ATXN1: variants seen among roughly 807,000 people sequenced by gnomAD.
ATXN1 encodes the protein ataxin-1.
In ATXN1, 8 loss-of-function variants were observed where a neutral mutation model predicts 56.4. The observed-to-expected ratio is 0.14, with a 90% CI of 0.08 to 0.26. The LOEUF is 0.26. Among genes scored for constraint, ATXN1 ranks in the 10% least tolerant of loss-of-function variants. The probability of loss-of-function intolerance (pLI) is 1.00; values close to 1 mark genes in which losing one functional copy is unlikely to be tolerated. For synonymous variants in ATXN1, 514 were observed against 494.6 expected (o/e 1.04, Z -0.52); for missense variants, 987 against 1,106.5 (o/e 0.89, Z 1.53).
At chr6:16,505,882 C>T (rs1760974885) in intron 5 of ATXN1, among the ~76,000 whole-genome samples, 1 of 152,150 alleles carries the variant, frequency 6.6e-6, no homozygotes, top group Admixed American at 6.5e-5. Context: ...GTTATAAAAA[C>T]CTCTGCTTTC....
At chr6:16,750,647 G>C (rs1760682456) in intron 2 of ATXN1, among the ~76,000 whole-genome samples, 1 of 152,138 alleles carries the variant, frequency 6.6e-6, no homozygotes, top group South Asian at 2.1e-4. Flanking sequence ...GTATTCATAA[G>C]ACACTTAAAC....
intron 6 of ATXN1, among the ~76,000 whole-genome samples, chr6:16,426,896 T>TAG (rs1227453516): frequency 6.8e-6 from 1 of 147,304 alleles, no homozygotes; most frequent in African/African-American, 2.5e-5. Context: ...AAAGACCAAG[T>TAG]AGAGGCAGGA....
rs148775626 is a variant in ATXN1, at chr6:16,321,631, C to G, written c.1917+4763G>C. 8.7e-4 allele frequency among the ~76,000 whole-genome samples: 132 copies of G among 152,328 alleles called. 3 individuals carry two copies. The highest frequency in any genetic ancestry group is 2.8e-3 in the African/African-American group (116 of 41,574). ...AAAGCATTTTTCTCCTACATTGCCTCGTCTGGAGCGTCAGCTGGGACAATG... is the reference window on the plus strand; with the variant it reads ...AAAGCATTTTTCTCCTACATTGCCTGGTCTGGAGCGTCAGCTGGGACAATG... On this transcript the variant is annotated intron_variant, in intron 7 of 7. Transcript: ENST00000436367.
At chr6:16,592,299 C>T (rs1249918031) in intron 3 of ATXN1, among the ~76,000 whole-genome samples, 6 of 152,160 alleles carry the variant, frequency 3.9e-5, no homozygotes, top group Admixed American at 3.3e-4. Context: ...ATTCTTATTC[C>T]TATATGGGCT....
At chr6:16,601,164 G>A (rs943999398) in intron 3 of ATXN1, among the ~76,000 whole-genome samples, 1 of 152,188 alleles carries the variant, frequency 6.6e-6, no homozygotes, top group African/African-American at 2.4e-5. Flanking sequence ...TTATTTCATA[G>A]GTAACTTTAG....
intron 5 of ATXN1, among the ~76,000 whole-genome samples, chr6:16,507,429 G>A (rs1761000171): frequency 6.6e-6 from 1 of 152,174 alleles, no homozygotes; most frequent in Non-Finnish European, 1.5e-5. Flanking sequence ...CGCCAGACAA[G>A]TATTTTTCTT....
chr6:16,422,670 A>G (rs1008499273), intron 6 of ATXN1, among the ~76,000 whole-genome samples: 6 of 152,198 alleles, frequency 3.9e-5, no homozygotes, highest in African/African-American at 1.4e-4. Context: ...GAATCCACCC[A>G]AGACACACCT....
In ATXN1 at chr6:16,385,613, G is replaced by A. The variant is rs182849733; in HGVS notation, c.-160-57143C>T. Among the ~76,000 whole-genome samples the A allele has an allele frequency of 9.8e-5, 15 of 152,294 alleles. No homozygotes were observed. In the East Asian group the frequency reaches 1.3e-3, roughly 14 times the overall value. On this transcript the variant is annotated intron_variant, in intron 6 of 7. Transcript: ENST00000436367. ...TTCTAACTCAGTGCCTTAATTTCTC[G>A]TTTTACTTCTAGGATAAAGTTTAAA...
intron 2 of ATXN1, among the ~76,000 whole-genome samples, chr6:16,745,965 TGTG>T (rs1760523371): frequency 1.3e-5 from 2 of 151,866 alleles, no homozygotes; most frequent in Non-Finnish European, 2.9e-5. Context: ...TGTGTGTGTG[TGTG>T]TGTGTCTGTT....
At chr6:16,608,050 T>C (rs1046018583) in intron 3 of ATXN1, among the ~76,000 whole-genome samples, 2 of 152,230 alleles carry the variant, frequency 1.3e-5, no homozygotes, top group Non-Finnish European at 1.5e-5. Flanking sequence ...GATCTCCAGC[T>C]GAAATTGCTA....
At chr6:16,658,909 A>G (rs1262503925) in intron 2 of ATXN1, among the ~76,000 whole-genome samples, 1 of 152,234 alleles carries the variant, frequency 6.6e-6, no homozygotes, top group Non-Finnish European at 1.5e-5. Context: ...ATCATCAAAG[A>G]TTGGATCAAG....
intron 6 of ATXN1, among the ~76,000 whole-genome samples, chr6:16,439,517 G>A (rs1385508172): frequency 1.3e-5 from 2 of 151,708 alleles, no homozygotes; most frequent in Non-Finnish European, 2.9e-5. Flanking sequence ...GATCTAAATT[G>A]TGTCTTTTGA....
intron 4 of ATXN1, among the ~76,000 whole-genome samples, chr6:16,568,755 T>A (rs896808264): frequency 1.3e-5 from 2 of 152,090 alleles, no homozygotes; most frequent in East Asian, 3.8e-4. Context: ...ACCAAAAAAA[T>A]TTAATATAGT....
At chr6:16,576,439 ATACACTGCCTTAT>A (rs1445019911) in intron 4 of ATXN1, among the ~76,000 whole-genome samples, 2 of 152,320 alleles carry the variant, frequency 1.3e-5, no homozygotes, top group Admixed American at 1.3e-4. Flanking sequence ...CACAAGGAAA[ATACACTGCCTTAT>A]TACAAGAACT....
chr6:16,608,907 TTG>T (rs976861073), intron 3 of ATXN1, among the ~76,000 whole-genome samples: 1 of 152,170 alleles, frequency 6.6e-6, no homozygotes, highest in African/African-American at 2.4e-5. Flanking sequence ...TCCTCTCCAT[TTG>T]TGTTTTGTAA....
At chr6:16,694,672 G>C (rs1445608191) in intron 2 of ATXN1, among the ~76,000 whole-genome samples, 1 of 152,208 alleles carries the variant, frequency 6.6e-6, no homozygotes, top group Admixed American at 6.5e-5. Context: ...TTTCAGAGCT[G>C]AGAGAGAAAC....
At chr6:16,687,675 C>CAT (rs1254753617) in intron 2 of ATXN1, among the ~76,000 whole-genome samples, 1 of 151,312 alleles carries the variant, frequency 6.6e-6, no homozygotes, top group East Asian at 2.1e-4. Context: ...CACACACACA[C>CAT]ACACACACAC....
At chr6:16,395,173 G>A (rs1758426783) in intron 6 of ATXN1, among the ~76,000 whole-genome samples, 1 of 150,658 alleles carries the variant, frequency 6.6e-6, no homozygotes, top group South Asian at 2.1e-4. Context: ...AGGAGGCTGA[G>A]GCAGGAGAAT....
chr6:16,350,181 A>C (rs1761536615), intron 6 of ATXN1, among the ~76,000 whole-genome samples: 1 of 152,238 alleles, frequency 6.6e-6, no homozygotes, highest in Non-Finnish European at 1.5e-5. Flanking sequence ...GTTTACAACA[A>C]AGCTCATTTT....
Sources: allele counts gnomAD v4.1 joint callset (sites outside exome capture counted in the v4.1 genomes callset), GRCh38; gene constraint gnomAD v4.1.1; transcripts MANE v1.5; gene names NCBI Gene and HGNC (gene_info 2026-07-23, HGNC 2026-07-21).